The following NAALADL2 variants were observed in gnomAD, a reference collection of about 807,000 sequenced individuals.
NAALADL2 encodes the protein N-acetylated alpha-linked acidic dipeptidase like 2, also known as inactive N-acetylated-alpha-linked acidic dipeptidase-like protein 2.
A neutral mutation model predicts 87.2 loss-of-function variants in NAALADL2; 76 were observed. That is an observed-to-expected ratio of 0.87 (90% CI 0.72 to 1.05). The LOEUF (loss-of-function observed/expected upper bound fraction) is 1.05, where lower values mean the gene tolerates loss of function less well. Among genes scored for constraint, NAALADL2 ranks in the 50% least tolerant of loss-of-function variants. The pLI is 0.00. For missense variants in NAALADL2, 1,089 were observed against 945.8 expected (o/e 1.15, Z -1.99); for synonymous variants, 354 against 331.0 (o/e 1.07, Z -0.75).
At chr3:174,545,474 A>G (rs539540643) in intron 1 of NAALADL2, among the ~76,000 whole-genome samples, 161 of 152,204 alleles carry the variant, frequency 1.1e-3, no homozygotes, top group African/African-American at 3.9e-3. Flanking sequence ...TGTGTGATTG[A>G]TCGTTTGATT....
At chr3:174,538,653 C>A (rs1451170753) in intron 1 of NAALADL2, among the ~76,000 whole-genome samples, 2 of 152,086 alleles carry the variant, frequency 1.3e-5, no homozygotes, top group Admixed American at 1.3e-4. Context: ...GAAGCATTTA[C>A]AATCTATTCT....
chr3:175,488,511 A>C (rs548411795), intron 9 of NAALADL2, among the ~76,000 whole-genome samples: 59 of 152,248 alleles, frequency 3.9e-4, no homozygotes, highest in Non-Finnish European at 6.8e-4. Flanking sequence ...ACATTCATTA[A>C]ATGTGATTTT....
intron 3 of NAALADL2, among the ~76,000 whole-genome samples, chr3:175,249,777 G>T (rs1440399297): frequency 1.3e-5 from 2 of 152,094 alleles, no homozygotes; most frequent in Non-Finnish European, 2.9e-5. Context: ...TTCATCCATT[G>T]ATCCTAGACC....
At chr3:175,253,261 C>T (rs1749368496) in intron 3 of NAALADL2, among the ~76,000 whole-genome samples, 1 of 152,144 alleles carries the variant, frequency 6.6e-6, no homozygotes, top group Admixed American at 6.5e-5. Context: ...GCTCATTTAC[C>T]ATTCTAAAAA....
intron 3 of NAALADL2, among the ~76,000 whole-genome samples, chr3:174,791,058 C>T (rs1321385048): frequency 6.6e-6 from 1 of 152,106 alleles, no homozygotes; most frequent in East Asian, 1.9e-4. Flanking sequence ...GTTATTACTC[C>T]ACTGCATCTC....
At chr3:174,935,246 T>C (rs1416496997) in intron 1 of NAALADL2, among the ~76,000 whole-genome samples, 1 of 152,174 alleles carries the variant, frequency 6.6e-6, no homozygotes, top group East Asian at 1.9e-4. Flanking sequence ...AAAACAATAT[T>C]AATGAGGAAC....
At chr3:174,576,380 GA>G (rs1279957307) in intron 2 of NAALADL2, among the ~76,000 whole-genome samples, 2 of 152,136 alleles carry the variant, frequency 1.3e-5, no homozygotes, top group East Asian at 3.9e-4. Context: ...AAATCACTAT[GA>G]GGGGACTATA....
intron 13 of NAALADL2, among the ~76,000 whole-genome samples, chr3:175,774,433 T>G (rs189426196): frequency 2.0e-5 from 3 of 152,196 alleles, no homozygotes; most frequent in Admixed American, 6.5e-5. Context: ...CAAAAATTTT[T>G]TAAATCCTTA....
At chr3:175,699,101 T>C (rs540424885) in intron 11 of NAALADL2, among the ~76,000 whole-genome samples, 27 of 151,950 alleles carry the variant, frequency 1.8e-4, no homozygotes, top group Non-Finnish European at 2.9e-4. Context: ...TATTTCTAAC[T>C]ATGTGATTAA....
intron 2 of NAALADL2, among the ~76,000 whole-genome samples, chr3:175,157,774 C>G (rs373686312): frequency 6.6e-6 from 1 of 152,068 alleles, no homozygotes; most frequent in African/African-American, 2.4e-5. Context: ...AGAACAGTGT[C>G]TATCCTTTCA....
rs530508809 is a variant in NAALADL2 at position 175,164,626 on chromosome 3, C to G, written c.545+67335C>G. ...GTAAGTTTGAATAATATTGGTCACT[C>G]TGGATAGAAAAATATTAACTGGGAA... is the stretch of plus-strand genomic sequence containing the variant. On this transcript the variant is annotated intron_variant, in intron 2 of 13. Coordinates refer to ENST00000454872, the MANE Select transcript of NAALADL2 (RefSeq NM_207015.3). Among the ~76,000 whole-genome samples the G allele has an allele frequency of 4.2e-3, 636 of 152,178 alleles. 3 individuals are homozygous for G. The highest frequency in any genetic ancestry group is 6.8e-3 in the Non-Finnish European group (461 of 68,016).
intron 13 of NAALADL2, among the ~76,000 whole-genome samples, chr3:175,797,064 G>A (rs1753587881): frequency 6.6e-6 from 1 of 151,658 alleles, no homozygotes; most frequent in Non-Finnish European, 1.5e-5. Flanking sequence ...TTCTGAGTTT[G>A]GCGCTGTTCT....
chr3:174,557,948 A>G (rs986645418), intron 2 of NAALADL2, among the ~76,000 whole-genome samples: 19 of 152,096 alleles, frequency 1.2e-4, no homozygotes, highest in Non-Finnish European at 5.9e-5. Flanking sequence ...TGAAATGTTA[A>G]CCAGTGAAAC....
At chr3:174,767,179 G>A (rs1713913789) in intron 3 of NAALADL2, among the ~76,000 whole-genome samples, 1 of 152,194 alleles carries the variant, frequency 6.6e-6, no homozygotes, top group South Asian at 2.1e-4. Flanking sequence ...GAGCACTTCA[G>A]TGGTTACAAC....
intron 1 of NAALADL2, among the ~76,000 whole-genome samples, chr3:175,012,387 C>T (rs1749951379): frequency 1.3e-5 from 2 of 152,106 alleles, no homozygotes; most frequent in South Asian, 2.1e-4. Flanking sequence ...AGGCTGGTCT[C>T]GAACTCCTGA....
chr3:175,667,975 A>G (rs747057650), intron 11 of NAALADL2, among the ~76,000 whole-genome samples: 4 of 152,142 alleles, frequency 2.6e-5, no homozygotes, highest in Non-Finnish European at 5.9e-5. Flanking sequence ...GGGACCATCC[A>G]GCCTGCAATG....
chr3:175,733,313 T>C lies in NAALADL2; in HGVS notation c.1897-3993T>C, dbSNP rs1205211322. Among the ~76,000 whole-genome samples, 3 of 152,144 alleles carry C rather than the reference T, an allele frequency of 2.0e-5. No individual in the cohort carries two copies. The East Asian group carries it at 5.8e-4, about 29-fold the overall frequency. Reference sequence around the variant, plus strand: ...CCATGTGGCTGGGGAAGCCTCATAATCATGTTGGAAGGCAAGGTGGAGCAA... The same window carrying C: ...CCATGTGGCTGGGGAAGCCTCATAACCATGTTGGAAGGCAAGGTGGAGCAA... On this transcript the variant is annotated intron_variant, in intron 11 of 13. Transcript: ENST00000454872.
intron 2 of NAALADL2, among the ~76,000 whole-genome samples, chr3:175,220,146 G>T (rs1743144653): frequency 6.6e-6 from 1 of 150,472 alleles, no homozygotes; most frequent in South Asian, 2.1e-4. Flanking sequence ...ATTTGTAAGT[G>T]TTACAAGTAT....
intron 1 of NAALADL2, among the ~76,000 whole-genome samples, chr3:174,484,904 G>C (rs1375647861): frequency 6.6e-6 from 1 of 151,644 alleles, no homozygotes; most frequent in Admixed American, 6.6e-5. Flanking sequence ...AGCTCCTATA[G>C]GCAGTATTTG....
Sources: gnomAD v4.1 joint callset for allele counts (sites outside exome capture counted in the v4.1 genomes callset) on GRCh38, gnomAD v4.1.1 for gene constraint, MANE v1.5 for transcripts, NCBI Gene and HGNC (gene_info 2026-07-23, HGNC 2026-07-21) for gene names.